MRAS: variants seen among roughly 807,000 people sequenced by gnomAD.
The protein encoded by MRAS is ras-related protein M-Ras.
In MRAS, 4 loss-of-function variants were observed where a neutral mutation model predicts 20.9. The ratio of observed to expected loss-of-function variants is 0.19; its 90% CI spans 0.09 to 0.44. MRAS has a LOEUF of 0.44. Ranked by LOEUF, MRAS falls within the 20% of genes least tolerant of loss-of-function variation. MRAS has a pLI of 0.99. For synonymous variants in MRAS, 98 were observed against 102.9 expected (o/e 0.95, Z 0.29); for missense variants, 154 against 277.5 (o/e 0.56, Z 3.16).
chr3:138,356,011 T>G (rs1195796691), intron 1 of MRAS, among the ~76,000 whole-genome samples: 1 of 152,206 alleles, frequency 6.6e-6, no homozygotes, highest in African/African-American at 2.4e-5. Context: ...GAAGGCTGGG[T>G]GCTGAGAGAC....
chr3:138,373,867 A>G (rs1345354226), intron 2 of MRAS, among the ~76,000 whole-genome samples: 1 of 131,950 alleles, frequency 7.6e-6, no homozygotes, highest in Non-Finnish European at 1.6e-5. Flanking sequence ...TGAACACAGT[A>G]TCTCTTTCCA....
At chr3:138,391,504 G>A (rs1026663684) in intron 2 of MRAS, among the ~76,000 whole-genome samples, 2 of 152,114 alleles carry the variant, frequency 1.3e-5, no homozygotes, top group East Asian at 1.9e-4. Context: ...CTTTTTGAGC[G>A]CTTATGTGAC....
chr3:138,364,613 C>T (rs1047550767), intron 1 of MRAS, among the ~76,000 whole-genome samples: 5 of 152,138 alleles, frequency 3.3e-5, no homozygotes, highest in Admixed American at 6.5e-5. Flanking sequence ...GGCTGGGGCA[C>T]GGACCCATAT....
chr3:138,361,778 G>GACC (rs2054452910), intron 1 of MRAS, among the ~76,000 whole-genome samples: 1 of 152,198 alleles, frequency 6.6e-6, no homozygotes, highest in African/African-American at 2.4e-5. Context: ...CTGGTTGAGT[G>GACC]ACCACCAGCA....
At chr3:138,375,451 C>T (rs1022606846) in intron 2 of MRAS, among the ~76,000 whole-genome samples, 18 of 152,208 alleles carry the variant, frequency 1.2e-4, no homozygotes, top group African/African-American at 4.3e-4. Context: ...TCTTCCCTAA[C>T]TGTTTAGTAG....
At chr3:138,378,674 C>T (rs1264821648) in intron 2 of MRAS, among the ~76,000 whole-genome samples, 2 of 152,168 alleles carry the variant, frequency 1.3e-5, no homozygotes, top group African/African-American at 4.8e-5. Context: ...TCAGGAAGCC[C>T]CAAACCTTCG....
rs2055388724 is a variant in MRAS at position 138,402,812 on chromosome 3, T to C, written c.*543T>C. The C allele has an allele frequency of 6.6e-6, 1 of 152,622 alleles. No homozygotes were observed. The highest frequency in any genetic ancestry group is 1.5e-5 in the Non-Finnish European group (1 of 68,056). The allele number at this position is 152,622 out of a possible 1,614,324, so 9.5% of individuals were successfully genotyped here. A position where few individuals can be genotyped will look rare whatever the true frequency, so the allele number is the denominator to read the frequency against. On this transcript the variant is annotated 3_prime_UTR_variant, in exon 6 of 6. Transcript: ENST00000423968. ...TCTGGTAACATATCTGGAATATTGTTGTTGTTTTTTAACCGAGTTTTCCCA... is the reference window on the plus strand; with the variant it reads ...TCTGGTAACATATCTGGAATATTGTCGTTGTTTTTTAACCGAGTTTTCCCA...
At chr3:138,368,267 A>T (rs1385847909) in intron 1 of MRAS, among the ~76,000 whole-genome samples, 1 of 152,092 alleles carries the variant, frequency 6.6e-6, no homozygotes, top group East Asian at 1.9e-4. Context: ...GGAATGAGAG[A>T]GAGTGTGTGT....
chr3:138,367,368 T>C (rs1250498319), intron 1 of MRAS, among the ~76,000 whole-genome samples: 2 of 152,160 alleles, frequency 1.3e-5, no homozygotes, highest in African/African-American at 2.4e-5. Flanking sequence ...GGAGTCTGTA[T>C]TGGAGGCCAC....
chr3:138,386,160 G>A (rs1316718091), intron 2 of MRAS, among the ~76,000 whole-genome samples: 1 of 39,588 alleles, frequency 2.5e-5, no homozygotes, highest in Non-Finnish European at 4.5e-5. Context: ...ACCACGTATT[G>A]CTGATTAACA....
chr3:138,369,614 G>A (rs1273200957), intron 1 of MRAS, among the ~76,000 whole-genome samples: 1 of 152,178 alleles, frequency 6.6e-6, no homozygotes, highest in Non-Finnish European at 1.5e-5. Flanking sequence ...AAGGGGCCCA[G>A]TCTGATGTTT....
At chr3:138,401,925 G>A (rs2055367880) in intron 5 of MRAS, among the ~76,000 whole-genome samples, 1 of 152,138 alleles carries the variant, frequency 6.6e-6, no homozygotes. Context: ...CATCAGTAGG[G>A]CGATTTAGGT....
intron 2 of MRAS, among the ~76,000 whole-genome samples, chr3:138,393,836 C>A (rs903180318): frequency 6.6e-6 from 1 of 152,002 alleles, no homozygotes; most frequent in East Asian, 1.9e-4. Flanking sequence ...ATTACAGGCA[C>A]CTGCCACCAT....
At chr3:138,368,397 C>T (rs1289720338) in intron 1 of MRAS, among the ~76,000 whole-genome samples, 1 of 152,124 alleles carries the variant, frequency 6.6e-6, no homozygotes, top group Non-Finnish European at 1.5e-5. Flanking sequence ...CAGCATATCT[C>T]ACACATTTTA....
intron 2 of MRAS, among the ~76,000 whole-genome samples, chr3:138,389,741 A>T (rs1053481567): frequency 2.6e-5 from 4 of 151,746 alleles, no homozygotes; most frequent in Non-Finnish European, 5.9e-5. Context: ...TACTAGGAGG[A>T]TGGTAATATC....
intron 1 of MRAS, among the ~76,000 whole-genome samples, chr3:138,350,773 G>A (rs1464206634): frequency 2.0e-5 from 3 of 151,946 alleles, no homozygotes; most frequent in African/African-American, 7.3e-5. Flanking sequence ...GCAACATGGT[G>A]AAACTCCGTC....
intron 1 of MRAS, among the ~76,000 whole-genome samples, chr3:138,352,475 C>T (rs2054248169): frequency 6.6e-6 from 1 of 152,110 alleles, no homozygotes; most frequent in South Asian, 2.1e-4. Flanking sequence ...TTTTTATATT[C>T]TAGTCCAATC....
chr3:138,390,462 C>T (rs150654071), intron 2 of MRAS, among the ~76,000 whole-genome samples: 2 of 152,320 alleles, frequency 1.3e-5, no homozygotes, highest in South Asian at 2.1e-4. Context: ...CACACGCACA[C>T]GCACATTGGC....
At chr3:138,399,924 C>A (rs1172729616) in intron 4 of MRAS, among the ~76,000 whole-genome samples, 1 of 152,226 alleles carries the variant, frequency 6.6e-6, no homozygotes, top group African/African-American at 2.4e-5. Flanking sequence ...GTCGTATCTC[C>A]CGCTGTCTGC....
Sources: allele counts gnomAD v4.1 joint callset (sites outside exome capture counted in the v4.1 genomes callset), GRCh38; gene constraint gnomAD v4.1.1; transcripts MANE v1.5; gene names NCBI Gene and HGNC (gene_info 2026-07-23, HGNC 2026-07-21).